KCNN2: variants seen among roughly 807,000 people sequenced by gnomAD.
KCNN2 encodes small conductance calcium-activated potassium channel protein 2.
Under a neutral mutation model 55.5 loss-of-function variants are expected in KCNN2, and 24 were observed. That is an observed-to-expected ratio of 0.43 (90% CI 0.31 to 0.61). KCNN2 has a LOEUF of 0.61. Among genes scored for constraint, KCNN2 ranks in the 20% least tolerant of loss-of-function variants. The probability of loss-of-function intolerance (pLI) is 0.08; values close to 1 mark genes in which losing one functional copy is unlikely to be tolerated. For missense variants in KCNN2, 754 were observed against 853.6 expected (o/e 0.88, Z 1.45); for synonymous variants, 431 against 336.1 (o/e 1.28, Z -3.09).
intron 2 of KCNN2, among the ~76,000 whole-genome samples, chr5:114,246,672 G>A (rs1417612704): frequency 6.6e-6 from 1 of 152,100 alleles, no homozygotes; most frequent in South Asian, 2.1e-4. Flanking sequence ...CCAAGGATAT[G>A]TCCATAGTTG....
upstream of KCNN2, among the ~76,000 whole-genome samples, chr5:114,359,580 G>C (rs1417921682): frequency 1.3e-5 from 2 of 152,162 alleles, no homozygotes; most frequent in Non-Finnish European, 2.9e-5. Context: ...TTTAGTAACT[G>C]TAGAACCTTA....
chr5:114,137,627 C>G (rs538857369), intron 1 of KCNN2, among the ~76,000 whole-genome samples: 7 of 152,128 alleles, frequency 4.6e-5, no homozygotes, highest in African/African-American at 1.7e-4. Flanking sequence ...GGCAATAATT[C>G]TTATATGAGA....
In KCNN2 at chr5:114,138,133, C is replaced by T. The variant is rs147668615; in HGVS notation, c.-271+81633C>T. 3.8e-4 allele frequency among the ~76,000 whole-genome samples: 57 copies of T among 151,672 alleles called. No individual in the cohort carries two copies. In the East Asian group the frequency reaches 0.01, roughly 27 times the overall value. The stretch of plus-strand genomic sequence containing the variant: ...AAAATCTGCTGTTTATTGTAAAAAA[C>T]AAACAAACAAAAAAACCCACAACAC... On this transcript the variant is annotated intron_variant, in intron 1 of 10. Coordinates refer to the KCNN2 transcript ENST00000512097.
intron 2 of KCNN2, among the ~76,000 whole-genome samples, chr5:114,320,676 A>G (rs1190310137): frequency 6.6e-6 from 1 of 151,884 alleles, no homozygotes; most frequent in Non-Finnish European, 1.5e-5. Flanking sequence ...ATCTGGCCCA[A>G]CTAGTGATCC....
chr5:114,495,644 A>G (rs1748075143), intron 7 of KCNN2, among the ~76,000 whole-genome samples: 3 of 152,328 alleles, frequency 2.0e-5, no homozygotes, highest in Non-Finnish European at 2.9e-5. Context: ...CCTAAAATCA[A>G]TGGGCATGCC....
At chr5:114,453,938 G>A (rs1341951483) in intron 3 of KCNN2, among the ~76,000 whole-genome samples, 1 of 151,968 alleles carries the variant, frequency 6.6e-6, no homozygotes, top group African/African-American at 2.4e-5. Flanking sequence ...AGCCCCACAC[G>A]CATTAGGTAT....
At chr5:114,065,812 G>T (rs1489276263) in intron 1 of KCNN2, among the ~76,000 whole-genome samples, 1 of 121,842 alleles carries the variant, frequency 8.2e-6, no homozygotes, top group Non-Finnish European at 1.7e-5. Flanking sequence ...CCAGTGAGTT[G>T]TTGCTAAGAG....
intron 3 of KCNN2, among the ~76,000 whole-genome samples, chr5:114,453,712 A>AAT (rs1254964555): frequency 6.6e-6 from 1 of 151,896 alleles, no homozygotes; most frequent in East Asian, 1.9e-4. Context: ...CTTTCTGGGA[A>AAT]ATTTCTGTCA....
intron 2 of KCNN2, among the ~76,000 whole-genome samples, chr5:114,379,311 C>G (rs995302930): frequency 6.6e-6 from 1 of 151,854 alleles, no homozygotes; most frequent in Non-Finnish European, 1.5e-5. Context: ...TTGGCATTAC[C>G]TTTGCTCTCT....
rs999344286 is a variant in KCNN2, at chr5:114,227,252, G to A, written c.-185+5687G>A. On this transcript the variant is annotated intron_variant, in intron 2 of 10. Coordinates refer to the KCNN2 transcript ENST00000512097. ...AATGAAAGAATGAAGGAATGAGTGA[G>A]TGCCAGTGTTTTCCTATCTACTTAC... 7.9e-5 allele frequency among the ~76,000 whole-genome samples: 12 copies of A among 152,252 alleles called. 1 individual carries two copies. Among genetic ancestry groups the A allele is most frequent in the Admixed American group, 4.6e-4 (7 of 15,288 alleles).
chr5:114,257,521 T>C (rs939681527), intron 2 of KCNN2, among the ~76,000 whole-genome samples: 5 of 152,112 alleles, frequency 3.3e-5, no homozygotes, highest in African/African-American at 1.2e-4. Context: ...GTATTATCTA[T>C]ATGTCTTTCC....
At chr5:114,109,338 C>G (rs1751548745) in intron 1 of KCNN2, among the ~76,000 whole-genome samples, 1 of 152,092 alleles carries the variant, frequency 6.6e-6, no homozygotes, top group Non-Finnish European at 1.5e-5. Context: ...AAGTTACCAT[C>G]TTATGTAACA....
At chr5:114,203,075 A>C (rs1753706630) in intron 1 of KCNN2, among the ~76,000 whole-genome samples, 1 of 152,156 alleles carries the variant, frequency 6.6e-6, no homozygotes, top group South Asian at 2.1e-4. Flanking sequence ...CCTGCCATTC[A>C]AGGTTATTTT....
intron 3 of KCNN2, among the ~76,000 whole-genome samples, chr5:114,417,424 G>A (rs186407615): frequency 3.3e-5 from 5 of 152,028 alleles, no homozygotes; most frequent in African/African-American, 1.2e-4. Flanking sequence ...TGGAGGTGTC[G>A]GTGTGAAGTG....
intron 3 of KCNN2, among the ~76,000 whole-genome samples, chr5:114,421,077 T>C (rs1161276042): frequency 1.3e-5 from 2 of 152,234 alleles, no homozygotes; most frequent in Non-Finnish European, 2.9e-5. Flanking sequence ...TACAGCCTAA[T>C]TTGTCTTAGC....
At chr5:114,081,674 A>C (rs1315900458) in intron 1 of KCNN2, among the ~76,000 whole-genome samples, 1 of 152,234 alleles carries the variant, frequency 6.6e-6, no homozygotes, top group Non-Finnish European at 1.5e-5. Context: ...CTCTTAGAAG[A>C]AAACATTGCA....
intron 1 of KCNN2, among the ~76,000 whole-genome samples, chr5:114,154,649 C>T (rs1485060498): frequency 6.6e-6 from 1 of 152,100 alleles, no homozygotes; most frequent in Non-Finnish European, 1.5e-5. Flanking sequence ...CTCTGGGTCA[C>T]CAAAACTTTC....
In KCNN2 at chr5:114,363,908, G is replaced by T; in HGVS notation, c.1125G>T (p.Ala375=). ...TELSWGAYDK[A]SLYSLALKCL... Reference sequence around the variant, plus strand: ...GCTTCTGTCTGACTGTGTTGCAGGCGTCGCTGTATTCCTTAGCTCTGAAAT... The same window carrying T: ...GCTTCTGTCTGACTGTGTTGCAGGCTTCGCTGTATTCCTTAGCTCTGAAAT... The change falls in exon 2 of 8, where the codon GCG becomes GCT. Residue 375 remains alanine, a splice_region_variant and synonymous_variant. Transcript: ENST00000673685. 1 of 1,612,782 alleles carries T rather than the reference G, an allele frequency of 6.2e-7. No homozygotes were observed. Among genetic ancestry groups the T allele is most frequent in the Non-Finnish European group, 8.5e-7 (1 of 1,178,868 alleles).
chr5:114,066,095 A>G (rs1238195005), intron 1 of KCNN2, among the ~76,000 whole-genome samples: 1 of 152,120 alleles, frequency 6.6e-6, no homozygotes, highest in East Asian at 1.9e-4. Flanking sequence ...ATCTTTCTGG[A>G]AAAAAGTTGT....
Sources: allele counts gnomAD v4.1 joint callset (sites outside exome capture counted in the v4.1 genomes callset), GRCh38; gene constraint gnomAD v4.1.1; transcripts MANE v1.5; gene names NCBI Gene and HGNC (gene_info 2026-07-23, HGNC 2026-07-21).